RASAL1: variants seen among roughly 807,000 people sequenced by gnomAD.
RASAL1 encodes rasGAP-activating-like protein 1.
Under a neutral mutation model 96.6 loss-of-function variants are expected in RASAL1, and 72 were observed. The ratio of observed to expected loss-of-function variants is 0.75; its 90% CI spans 0.62 to 0.91. RASAL1 has a LOEUF of 0.91. Ranked by LOEUF, RASAL1 falls within the 40% of genes least tolerant of loss-of-function variation. The pLI is 0.00. For synonymous variants in RASAL1, 405 were observed against 430.4 expected (o/e 0.94, Z 0.73); for missense variants, 1,016 against 1,072.5 (o/e 0.95, Z 0.74).
intron 20 of RASAL1, 33 bp from the exon 21 acceptor site, chr12:113,100,101 G>A (rs1950388179): frequency 6.4e-7 from 1 of 1,561,064 alleles, no homozygotes; most frequent in Non-Finnish European, 8.7e-7. Flanking sequence ...CAGGGGCTCA[G>A]CCAGTCCAGG....
At position 113,100,694 on chromosome 12, in the gene RASAL1, G is replaced by A. The variant is rs769365015; in HGVS notation, c.2226-14C>T. On this transcript the variant is annotated splice_polypyrimidine_tract_variant and intron_variant, in intron 19 of 20. Transcript: ENST00000548055. The stretch of plus-strand genomic sequence containing the variant: ...AGTAATTTCAGCCTGGAAGGTAAGA[G>A]GGAGAAAGACAAGTCTGGTCCCTGA... 2.6e-5 allele frequency: 42 copies of A among 1,605,462 alleles called. No individual in the cohort carries two copies. The East Asian group carries it at 9.2e-4, about 35-fold the overall frequency.
chr12:113,107,070 A>C (rs765387528), intron 15 of RASAL1, 27 bp downstream of exon 15: 21 of 1,595,550 alleles, frequency 1.3e-5, no homozygotes, highest in Non-Finnish European at 1.8e-5. Context: ...CTGAGAAGCC[A>C]GATGTGGCCG....
intron 12 of RASAL1, among the ~76,000 whole-genome samples, 186 bp downstream of exon 12, chr12:113,114,614 T>C (rs574592553): frequency 2.0e-5 from 3 of 152,260 alleles, no homozygotes; most frequent in Non-Finnish European, 4.4e-5. Context: ...GTCCTGACCA[T>C]AACCCCTATA....
Position 113,130,123 on chromosome 12 carries a change from C to G in RASAL1, c.122+762G>C, listed in dbSNP as rs1448577420. On this transcript the variant is annotated intron_variant, in intron 2 of 20. Coordinates refer to ENST00000548055, the MANE Select transcript of RASAL1 (RefSeq NM_001301202.2). This position sits in a 1 kb window ranked among gnomAD's most constrained non-coding sequence, Gnocchi z 5.1. ...TGAATCCTGCCGTCTCCATAGGAAC[C>G]AAGGCCTCAGCCACCCACCAGCCCA... Among the ~76,000 whole-genome samples the G allele has an allele frequency of 6.6e-6, 1 of 152,084 alleles. No individual in the cohort carries two copies. Among genetic ancestry groups the G allele is most frequent in the Non-Finnish European group, 1.5e-5 (1 of 67,970 alleles).
At chr12:113,126,787 T>C (rs1486071250) in intron 4 of RASAL1, among the ~76,000 whole-genome samples, 1 of 151,780 alleles carries the variant, frequency 6.6e-6, no homozygotes, top group Non-Finnish European at 1.5e-5. Context: ...CCTCACTTAA[T>C]AATGTGATCT....
chr12:113,115,829 G>A lies in RASAL1; in HGVS notation c.850-41C>T. The A allele has an allele frequency of 3.7e-6, 6 of 1,611,784 alleles. No individual in the cohort carries two copies. Among genetic ancestry groups the A allele is most frequent in the Non-Finnish European group, 5.1e-6 (6 of 1,178,714 alleles). ...AGACAAAGATGACCTCGGCCCCTGG[G>A]ACCCCAAAGCAGATGGGCCTAGATA... On this transcript the variant is annotated intron_variant, in intron 9 of 20. Transcript: ENST00000548055. The surrounding 1 kb of genome is among the most constrained non-coding windows in gnomAD (Gnocchi z 4.1).
chr12:113,117,852 G>T (rs1292023884), intron 7 of RASAL1, among the ~76,000 whole-genome samples: 1 of 151,198 alleles, frequency 6.6e-6, no homozygotes, highest in Non-Finnish European at 1.5e-5. Context: ...TAGTGTAATG[G>T]TTCATCCACG....
In RASAL1 at chr12:113,107,442, G is replaced by C. The variant is rs576309819; in HGVS notation, c.1513-201C>G. The C allele has an allele frequency of 1.1e-4, 75 of 666,348 alleles. No individual in the cohort carries two copies. In the African/African-American group the frequency reaches 1.2e-3, roughly 11 times the overall value. The allele number at this position is 666,348 out of a possible 1,614,324, so 41.3% of individuals were successfully genotyped here. A position where few individuals can be genotyped will look rare whatever the true frequency, so the allele number is the denominator to read the frequency against. On this transcript the variant is annotated intron_variant, in intron 14 of 20. Coordinates refer to ENST00000548055, the MANE Select transcript of RASAL1 (RefSeq NM_001301202.2). ...GCTTGTGACGAGCCTGGCCAACATG[G>C]TGATACCTCATCTCTACTAAAAATG... is the stretch of plus-strand genomic sequence containing the variant.
At chr12:113,101,867 T>C in intron 19 of RASAL1, 22 bp downstream of exon 19, 3 of 1,608,902 alleles carry the variant, frequency 1.9e-6, no homozygotes, top group South Asian at 1.1e-5. Flanking sequence ...GGAGGTGAAG[T>C]GGGATGGGTG....
intron 14 of RASAL1, chr12:113,107,702 C>T: frequency 2.5e-6 from 1 of 393,978 alleles, no homozygotes; most frequent in South Asian, 2.1e-5. Flanking sequence ...TTGGAATCTG[C>T]ACTCCCCACT....
chr12:113,104,792 G>A (rs1027656592), intron 16 of RASAL1, among the ~76,000 whole-genome samples: 5 of 152,232 alleles, frequency 3.3e-5, no homozygotes, highest in Non-Finnish European at 5.9e-5. Flanking sequence ...ATGAGCCACC[G>A]TGCCCAGCCA....
At chr12:113,131,919 T>A (rs1951723586) in intron 1 of RASAL1, among the ~76,000 whole-genome samples, 1 of 151,586 alleles carries the variant, frequency 6.6e-6, no homozygotes, top group Non-Finnish European at 1.5e-5. Context: ...CACTGTCCTA[T>A]CTAAAATGAC....
In RASAL1 at chr12:113,129,423, A is replaced by G. The variant is rs1368649572; in HGVS notation, c.123-1245T>C. Among the ~76,000 whole-genome samples, 3 of 152,174 alleles carry G rather than the reference A, an allele frequency of 2.0e-5. No homozygotes were observed. The highest frequency in any genetic ancestry group is 7.2e-5 in the African/African-American group (3 of 41,434). ...GGGGGAGGGAGAGGGGCCAGGAGACAGGAGGTGAGCAGGGGACAGAGCACT... is the reference window on the plus strand; with the variant it reads ...GGGGGAGGGAGAGGGGCCAGGAGACGGGAGGTGAGCAGGGGACAGAGCACT... On this transcript the variant is annotated intron_variant, in intron 2 of 20. Coordinates refer to ENST00000548055, the MANE Select transcript of RASAL1 (RefSeq NM_001301202.2). The surrounding 1 kb of genome is among the most constrained non-coding windows in gnomAD (Gnocchi z 5.0).
At position 113,129,028 on chromosome 12, in the gene RASAL1, C is replaced by T. The variant is rs1194417703; in HGVS notation, c.123-850G>A. On this transcript the variant is annotated intron_variant, in intron 2 of 20. Transcript: ENST00000548055. The surrounding 1 kb of genome is among the most constrained non-coding windows in gnomAD (Gnocchi z 5.0). Reference sequence around the variant, plus strand: ...AATTCCATTCATTCATTTGTTCATTCGTTTACTCCATAAACATTCACTTGG... The same window carrying T: ...AATTCCATTCATTCATTTGTTCATTTGTTTACTCCATAAACATTCACTTGG... Among the ~76,000 whole-genome samples the T allele has an allele frequency of 1.3e-5, 2 of 151,920 alleles. No individual in the cohort carries two copies. The highest frequency in any genetic ancestry group is 2.9e-5 in the Non-Finnish European group (2 of 67,968).
chr12:113,120,524 G>A (rs1404285069), intron 5 of RASAL1, among the ~76,000 whole-genome samples: 1 of 152,134 alleles, frequency 6.6e-6, no homozygotes, highest in Non-Finnish European at 1.5e-5. Flanking sequence ...GGAAATTGGA[G>A]GTCCTCCCCA....
intron 13 of RASAL1, 84 bp downstream of exon 13, chr12:113,112,002 G>T: frequency 8.6e-7 from 1 of 1,159,304 alleles, no homozygotes; most frequent in Non-Finnish European, 1.1e-6. Flanking sequence ...CCTAGGTTCT[G>T]GTCACAGTTC....
At chr12:113,117,204 G>A in intron 7 of RASAL1, 43 bp from the exon 8 acceptor site, 9 of 1,427,040 alleles carry the variant, frequency 6.3e-6, no homozygotes, top group Non-Finnish European at 7.8e-6. Context: ...GCCCTGGCCT[G>A]CCCTGCCCTG....
intron 13 of RASAL1, among the ~76,000 whole-genome samples, chr12:113,111,234 G>A (rs1950856412): frequency 6.6e-6 from 1 of 152,160 alleles, no homozygotes; most frequent in Admixed American, 6.5e-5. Flanking sequence ...AGCACTTACT[G>A]TATGCCAGAT....
chr12:113,105,763 A>AC lies in RASAL1; in HGVS notation c.1780dup (p.Val594GlyfsTer15), dbSNP rs753973065. Reference sequence around the variant, plus strand: ...GGAGAGGGTCTCCCCGCTGAGCCAGACGTAGCGCTTCTTGAAGGCAAAGCG... The same window carrying AC: ...GGAGAGGGTCTCCCCGCTGAGCCAGACCGTAGCGCTTCTTGAAGGCAAAGCG... On this transcript the variant is annotated frameshift_variant, in exon 16 of 21. Coordinates refer to ENST00000548055, the MANE Select transcript of RASAL1 (RefSeq NM_001301202.2). LOFTEE classifies it high-confidence loss of function. 6.2e-7 allele frequency: 1 copy of AC among 1,613,956 alleles called. No homozygotes were observed. Among genetic ancestry groups the AC allele is most frequent in the Non-Finnish European group, 8.5e-7 (1 of 1,179,956 alleles).
Sources: allele counts gnomAD v4.1 joint callset (sites outside exome capture counted in the v4.1 genomes callset), GRCh38; gene constraint gnomAD v4.1.1; non-coding constraint Gnocchi (gnomAD v3.1); transcripts MANE v1.5; gene names NCBI Gene and HGNC (gene_info 2026-07-23, HGNC 2026-07-21).